The following PDSS2 variants were observed in gnomAD, a reference collection of about 807,000 sequenced individuals.
The protein encoded by PDSS2 is all trans-polyprenyl-diphosphate synthase PDSS2.
A neutral mutation model predicts 44.5 loss-of-function variants in PDSS2; 31 were observed. The ratio of observed to expected loss-of-function variants is 0.70; its 90% CI spans 0.52 to 0.94. The LOEUF is 0.94. Among genes scored for constraint, PDSS2 ranks in the 40% least tolerant of loss-of-function variants. PDSS2 has a pLI of 0.00. For synonymous variants in PDSS2, 157 were observed against 180.3 expected (o/e 0.87, Z 1.03); for missense variants, 452 against 482.2 (o/e 0.94, Z 0.59).
intron 1 of PDSS2, among the ~76,000 whole-genome samples, chr6:107,435,612 T>C (rs1781326837): frequency 6.6e-6 from 1 of 152,158 alleles, no homozygotes. Flanking sequence ...TGTGAAGGTA[T>C]TATTATTCTG....
At chr6:107,168,727 C>T (rs1214641185) in intron 7 of PDSS2, among the ~76,000 whole-genome samples, 2 of 151,486 alleles carry the variant, frequency 1.3e-5, no homozygotes, top group African/African-American at 2.4e-5. Flanking sequence ...ATTTCTCCTT[C>T]ACTTATGAAG....
At chr6:107,452,426 T>A (rs1487150106) in intron 1 of PDSS2, among the ~76,000 whole-genome samples, 1 of 151,940 alleles carries the variant, frequency 6.6e-6, no homozygotes, top group Non-Finnish European at 1.5e-5. Flanking sequence ...GAGACAGGGT[T>A]TCACCATGTT....
intron 3 of PDSS2, among the ~76,000 whole-genome samples, chr6:107,269,333 C>CGTGTGT (rs1419152571): frequency 8.7e-5 from 7 of 80,286 alleles, no homozygotes; most frequent in East Asian, 4.2e-4. Context: ...AATCTCATTT[C>CGTGTGT]GTGTGTCTGT....
intron 4 of PDSS2, among the ~76,000 whole-genome samples, chr6:107,220,649 T>C (rs1251420398): frequency 6.6e-6 from 1 of 152,148 alleles, no homozygotes; most frequent in Non-Finnish European, 1.5e-5. Context: ...TTATTATTCA[T>C]CATTTCTACA....
chr6:107,358,987 G>C (rs1047678922), intron 1 of PDSS2, among the ~76,000 whole-genome samples: 2 of 149,570 alleles, frequency 1.3e-5, no homozygotes, highest in African/African-American at 4.9e-5. Context: ...AAGCAAATCA[G>C]GAGCTTTAGC....
intron 1 of PDSS2, among the ~76,000 whole-genome samples, chr6:107,435,071 G>GT (rs1781307291): frequency 1.3e-5 from 2 of 151,968 alleles, no homozygotes; most frequent in Admixed American, 1.3e-4. Context: ...GAGCCCAGGA[G>GT]TTTAAGACCA....
chr6:107,451,107 C>T (rs992389655), intron 1 of PDSS2, among the ~76,000 whole-genome samples: 4 of 152,216 alleles, frequency 2.6e-5, no homozygotes, highest in African/African-American at 9.6e-5. Flanking sequence ...GCTGGGATTA[C>T]AGGCGTGAGC....
At chr6:107,205,513 C>G (rs1376654923) in intron 6 of PDSS2, among the ~76,000 whole-genome samples, 1 of 152,156 alleles carries the variant, frequency 6.6e-6, no homozygotes, top group East Asian at 1.9e-4. Context: ...TTCACCTCCC[C>G]AGGGTGAATA....
At chr6:107,435,925 G>A (rs781548702) in intron 1 of PDSS2, among the ~76,000 whole-genome samples, 35 of 148,142 alleles carry the variant, frequency 2.4e-4, no homozygotes, top group Middle Eastern at 3.4e-3. Context: ...TTGTTGAAAC[G>A]AAGTTACAGA....
intron 2 of PDSS2, among the ~76,000 whole-genome samples, chr6:107,275,871 T>C (rs1032670606): frequency 6.6e-6 from 1 of 152,010 alleles, no homozygotes; most frequent in African/African-American, 2.4e-5. Flanking sequence ...CTCAGAACTT[T>C]GGGAGGCCCA....
intron 1 of PDSS2, among the ~76,000 whole-genome samples, chr6:107,442,229 C>A (rs950759654): frequency 6.6e-6 from 1 of 152,082 alleles, no homozygotes; most frequent in Non-Finnish European, 1.5e-5. Context: ...CCAGCCTGAC[C>A]AACATGGTAA....
At chr6:107,343,126 C>A (rs1253812937) in intron 1 of PDSS2, among the ~76,000 whole-genome samples, 2 of 152,090 alleles carry the variant, frequency 1.3e-5, no homozygotes, top group Non-Finnish European at 2.9e-5. Context: ...TTTTATTACC[C>A]CACTTTCCAT....
At chr6:107,188,428 A>G (rs1772253119) in intron 7 of PDSS2, among the ~76,000 whole-genome samples, 2 of 152,016 alleles carry the variant, frequency 1.3e-5, no homozygotes, top group South Asian at 4.1e-4. Flanking sequence ...CGGTTGGGTG[A>G]AGGAGTGTGT....
At chr6:107,163,465 T>C (rs1771219530) in intron 7 of PDSS2, among the ~76,000 whole-genome samples, 1 of 152,168 alleles carries the variant, frequency 6.6e-6, no homozygotes, top group South Asian at 2.1e-4. Context: ...CTGACATCTG[T>C]AAACACTCCT....
At chr6:107,195,536 T>TA (rs1331013113) in intron 6 of PDSS2, among the ~76,000 whole-genome samples, 1 of 150,644 alleles carries the variant, frequency 6.6e-6, no homozygotes, top group Non-Finnish European at 1.5e-5. Context: ...TAGAATCTTT[T>TA]AAAAATTTTT....
chr6:107,173,572 C>CAAAAAAAAAAAAAAAAAAAAAAAAAAAA (rs71012783), intron 7 of PDSS2, among the ~76,000 whole-genome samples: 3 of 41,512 alleles, frequency 7.2e-5, no homozygotes, highest in African/African-American at 3.8e-4. Flanking sequence ...GACTCTGTCT[C>CAAAAAAAAAAAAAAAAAAAAAAAAAAAA]AAAAAAAAAA....
At chr6:107,435,050 G>C (rs949204925) in intron 1 of PDSS2, among the ~76,000 whole-genome samples, 6 of 152,030 alleles carry the variant, frequency 3.9e-5, no homozygotes, top group African/African-American at 1.2e-4. Context: ...GCCAAGGCAG[G>C]AGGATTGGTT....
chr6:107,319,546 T>G (rs1777317976), intron 2 of PDSS2, among the ~76,000 whole-genome samples: 1 of 152,158 alleles, frequency 6.6e-6, no homozygotes, highest in South Asian at 2.1e-4. Flanking sequence ...ATAAGGGCAT[T>G]GATAAAATTA....
chr6:107,287,101 T>C (rs1013909113), intron 2 of PDSS2, among the ~76,000 whole-genome samples: 1 of 152,198 alleles, frequency 6.6e-6, no homozygotes, highest in African/African-American at 2.4e-5. Context: ...ACATTTTTAG[T>C]TCATTGACTT....
Sources: gnomAD v4.1 joint callset for allele counts (sites outside exome capture counted in the v4.1 genomes callset) on GRCh38, gnomAD v4.1.1 for gene constraint, MANE v1.5 for transcripts, NCBI Gene and HGNC (gene_info 2026-07-23, HGNC 2026-07-21) for gene names.